Variants in KCNH1 observed in about 807,000 individuals in gnomAD.
KCNH1 encodes the protein potassium voltage-gated channel subfamily H member 1.
A neutral mutation model predicts 69.2 loss-of-function variants in KCNH1; 27 were observed. The observed-to-expected ratio is 0.39, with a 90% CI of 0.29 to 0.54. The LOEUF (loss-of-function observed/expected upper bound fraction) is 0.54, where lower values mean the gene tolerates loss of function less well. Ranked by LOEUF, KCNH1 falls within the 20% of genes least tolerant of loss-of-function variation. The probability of loss-of-function intolerance (pLI) is 0.68; values close to 1 mark genes in which losing one functional copy is unlikely to be tolerated. For synonymous variants in KCNH1, 456 were observed against 487.7 expected (o/e 0.93, Z 0.86); for missense variants, 798 against 1,261.6 (o/e 0.63, Z 5.57).
chr1:210,961,436 T>G (rs1294325763), intron 6 of KCNH1, among the ~76,000 whole-genome samples: 1 of 152,224 alleles, frequency 6.6e-6, no homozygotes, highest in Non-Finnish European at 1.5e-5. Flanking sequence ...TTCGACATGT[T>G]TTTTCCTTTG....
intron 6 of KCNH1, among the ~76,000 whole-genome samples, chr1:210,967,869 CTTTTT>C (rs71773981): frequency 0.047 from 6,910 of 146,912 alleles, 247 homozygotes; most frequent in East Asian, 0.18. Flanking sequence ...ATTTTTTTTT[CTTTTT>C]TTTTTATTAT....
chr1:211,022,130 A>G (rs1039303798), intron 5 of KCNH1, among the ~76,000 whole-genome samples: 3 of 152,194 alleles, frequency 2.0e-5, no homozygotes, highest in Non-Finnish European at 2.9e-5. Context: ...AAACAGACAC[A>G]TAGACCAATG....
At chr1:210,890,332 G>T (rs2102521406) in intron 7 of KCNH1, among the ~76,000 whole-genome samples, 2 of 152,260 alleles carry the variant, frequency 1.3e-5, no homozygotes, top group South Asian at 4.1e-4. Flanking sequence ...GGGAAAACTG[G>T]CTAGCCATAT....
At chr1:211,116,935 C>T (rs966826110) in intron 1 of KCNH1, among the ~76,000 whole-genome samples, 1 of 152,154 alleles carries the variant, frequency 6.6e-6, no homozygotes, top group Non-Finnish European at 1.5e-5. Flanking sequence ...CCTCATTTGG[C>T]TCCTTCAGTC....
intron 1 of KCNH1, among the ~76,000 whole-genome samples, chr1:211,119,124 G>A (rs1324193649): frequency 6.6e-6 from 1 of 152,220 alleles, no homozygotes; most frequent in Non-Finnish European, 1.5e-5. Flanking sequence ...ACTTTGGGAG[G>A]CCGAGGCAGG....
chr1:211,100,451 C>G (rs993001646), intron 3 of KCNH1, among the ~76,000 whole-genome samples: 2 of 152,114 alleles, frequency 1.3e-5, no homozygotes, highest in Non-Finnish European at 1.5e-5. Flanking sequence ...CTCTGGAGTT[C>G]GACAATTCTC....
At chr1:210,715,117 T>G (rs1188619264) in intron 10 of KCNH1, among the ~76,000 whole-genome samples, 1 of 152,170 alleles carries the variant, frequency 6.6e-6, no homozygotes, top group African/African-American at 2.4e-5. Flanking sequence ...CAAAGACTCA[T>G]GACAGCTCAA....
chr1:211,110,030 A>G (rs1691429528), intron 1 of KCNH1, among the ~76,000 whole-genome samples: 1 of 152,122 alleles, frequency 6.6e-6, no homozygotes, highest in Non-Finnish European at 1.5e-5. Context: ...CAGAGAAGAA[A>G]AAAAAAAAGA....
chr1:210,719,947 C>CGCTATGTG (rs1310301229), intron 10 of KCNH1, among the ~76,000 whole-genome samples: 3 of 152,102 alleles, frequency 2.0e-5, no homozygotes, highest in African/African-American at 7.2e-5. Context: ...CCTTTTCTAG[C>CGCTATGTG]GCTATGTGTG....
intron 1 of KCNH1, among the ~76,000 whole-genome samples, chr1:211,115,701 C>CTATATATATATATATATATATATATA (rs201384583): frequency 2.4e-4 from 17 of 70,762 alleles, no homozygotes; most frequent in Non-Finnish European, 3.6e-4. Flanking sequence ...ATAAACTCCC[C>CTATATATATATATATATATATATATA]TATATATATA....
Position 211,018,934 on chromosome 1 carries a change from G to A in KCNH1, c.881C>T (p.Thr294Met), listed in dbSNP as rs1558569964. The change falls in exon 6 of 11, where the codon ACG becomes ATG. Residue 294 changes from threonine (T) to methionine (M), a missense_variant. Physicochemically the swap from Thr to Met is moderately conservative, Grantham distance 81. Transcript: ENST00000271751. ...GGACAGAAGGTCAATCACAAACCAC[G>A]TCTTCAGGTAGTTCATGCGGATAAG... The part of the protein sequence containing the change: ...PKLIRMNYLK[T>M]WFVIDLLSCL... 6.2e-7 allele frequency: 1 copy of A among 1,613,990 alleles called. No individual in the cohort carries two copies. The highest frequency in any genetic ancestry group is 8.5e-7 in the Non-Finnish European group (1 of 1,179,950).
chr1:211,096,078 T>TATTTA (rs59192858), intron 3 of KCNH1, among the ~76,000 whole-genome samples: 1 of 151,772 alleles, frequency 6.6e-6, no homozygotes. Flanking sequence ...TTTATTTATT[T>TATTTA]TTTGAGATGG....
chr1:210,715,697 G>C lies in KCNH1; in HGVS notation c.2113-31559C>G, dbSNP rs1312799627. 3.3e-5 allele frequency among the ~76,000 whole-genome samples: 5 copies of C among 152,130 alleles called. No homozygotes were observed. In the East Asian group the frequency reaches 5.8e-4, roughly 18 times the overall value. ...GATTTTTCAGGGCTAAGAAAGTGGG[G>C]CTAGAGGTTCTAGCCCAATTTTAGC... On this transcript the variant is annotated intron_variant, in intron 10 of 10. Transcript: ENST00000271751.
chr1:210,996,683 C>T (rs1014906695), intron 6 of KCNH1, among the ~76,000 whole-genome samples: 4 of 152,238 alleles, frequency 2.6e-5, no homozygotes, highest in Non-Finnish European at 5.9e-5. Flanking sequence ...GGAAGACTGC[C>T]TCCTCAAGTG....
Position 210,682,905 on chromosome 1 carries a change from C to T in KCNH1, c.*376G>A, listed in dbSNP as rs1681307587. 3 of 250,398 alleles carry T rather than the reference C, an allele frequency of 1.2e-5. No homozygotes were observed. The South Asian group carries it at 1.7e-4, about 14-fold the overall frequency. 15.5% of individuals were successfully genotyped at this position (250,398 alleles called of 1,614,324 possible). On this transcript the variant is annotated 3_prime_UTR_variant, in exon 11 of 11. Coordinates refer to ENST00000271751, the MANE Select transcript of KCNH1 (RefSeq NM_172362.3). ...GCAAAGGAGCCCAGCATAGTATATA[C>T]ATGAGAGGTTCTCGGCACTTTCCCA... is the stretch of plus-strand genomic sequence containing the variant.
chr1:210,758,809 G>A (rs1409401992), intron 10 of KCNH1, among the ~76,000 whole-genome samples: 1 of 152,196 alleles, frequency 6.6e-6, no homozygotes, highest in Non-Finnish European at 1.5e-5. Flanking sequence ...CTTCTCCAGT[G>A]AATCCATCCC....
At chr1:210,712,985 G>A (rs1574200824) in intron 10 of KCNH1, among the ~76,000 whole-genome samples, 1 of 151,948 alleles carries the variant, frequency 6.6e-6, no homozygotes, top group Admixed American at 6.6e-5. Flanking sequence ...CAGATGACTC[G>A]TGCACATCCT....
intron 5 of KCNH1, among the ~76,000 whole-genome samples, chr1:211,049,405 G>C (rs1690152481): frequency 6.6e-6 from 1 of 152,188 alleles, no homozygotes; most frequent in Non-Finnish European, 1.5e-5. Context: ...GTGTGCAAAA[G>C]CTCAGATGTG....
chr1:210,766,931 A>T (rs534422022), intron 10 of KCNH1, among the ~76,000 whole-genome samples: 3 of 152,342 alleles, frequency 2.0e-5, no homozygotes, highest in Admixed American at 2.0e-4. Context: ...TAAAGTAGTT[A>T]TTGTTATCAG....
Sources: allele counts gnomAD v4.1 joint callset (sites outside exome capture counted in the v4.1 genomes callset), GRCh38; gene constraint gnomAD v4.1.1; transcripts MANE v1.5; gene names NCBI Gene and HGNC (gene_info 2026-07-23, HGNC 2026-07-21).